The following PLD5 variants were observed in gnomAD, a reference collection of about 807,000 sequenced individuals.
The protein encoded by PLD5 is inactive phospholipase D5.
Under a neutral mutation model 61.1 loss-of-function variants are expected in PLD5, and 36 were observed. That is an observed-to-expected ratio of 0.59 (90% CI 0.45 to 0.78). The LOEUF (loss-of-function observed/expected upper bound fraction) is 0.78. Among genes scored for constraint, PLD5 ranks in the 30% least tolerant of loss-of-function variants. The pLI is 0.00. For missense variants in PLD5, 515 were observed against 644.4 expected (o/e 0.80, Z 2.17); for synonymous variants, 243 against 242.8 (o/e 1.00, Z -0.01).
At chr1:242,452,650 T>C (rs1056436745) in intron 1 of PLD5, among the ~76,000 whole-genome samples, 4 of 152,084 alleles carry the variant, frequency 2.6e-5, no homozygotes, top group Non-Finnish European at 5.9e-5. Flanking sequence ...ACTCCATCTC[T>C]ACAAAAAATA....
At chr1:242,274,285 C>T (rs1293408902) in intron 3 of PLD5, among the ~76,000 whole-genome samples, 4 of 152,232 alleles carry the variant, frequency 2.6e-5, no homozygotes, top group South Asian at 2.1e-4. Flanking sequence ...GCAGTGCTTA[C>T]GCCTATAATC....
intron 1 of PLD5, among the ~76,000 whole-genome samples, chr1:242,410,428 T>G (rs1010486614): frequency 6.6e-6 from 1 of 151,938 alleles, no homozygotes; most frequent in Non-Finnish European, 1.5e-5. Context: ...TTTTCCAATC[T>G]CTAGAGATAC....
At chr1:242,147,134 C>T (rs1224510570) in intron 5 of PLD5, among the ~76,000 whole-genome samples, 1 of 152,192 alleles carries the variant, frequency 6.6e-6, no homozygotes, top group African/African-American at 2.4e-5. Flanking sequence ...GTGCCATCGG[C>T]CCCTAAAATT....
chr1:242,330,928 A>G (rs1404755667), intron 2 of PLD5, among the ~76,000 whole-genome samples: 1 of 152,186 alleles, frequency 6.6e-6, no homozygotes, highest in Non-Finnish European at 1.5e-5. Flanking sequence ...TCCTCAGCAA[A>G]TTGAGTGGAG....
At chr1:242,209,694 C>T (rs778708620) in intron 5 of PLD5, among the ~76,000 whole-genome samples, 3 of 152,068 alleles carry the variant, frequency 2.0e-5, no homozygotes, top group Non-Finnish European at 2.9e-5. Flanking sequence ...CCGCCTATTT[C>T]CTAAGACAAC....
chr1:242,240,666 C>T (rs410287), intron 4 of PLD5, among the ~76,000 whole-genome samples: 3 of 151,842 alleles, frequency 2.0e-5, no homozygotes, highest in Non-Finnish European at 4.4e-5. Context: ...TTAAGGACAG[C>T]GGGAAAATGT....
Position 242,201,218 on chromosome 1 carries a change from T to C in PLD5, c.735+18770A>G, listed in dbSNP as rs567289797. Among the ~76,000 whole-genome samples, 3 of 152,242 alleles carry C rather than the reference T, an allele frequency of 2.0e-5. No individual in the cohort carries two copies. The South Asian group carries it at 6.2e-4, about 32-fold the overall frequency. ...GAGGTTTTTAAAAATATGACAGAAT[T>C]GGTGTTGGTGAATTCAACAATAAAG... On this transcript the variant is annotated intron_variant, in intron 5 of 9. Transcript: ENST00000536534.
At chr1:242,172,796 T>C (rs1666845436) in intron 5 of PLD5, among the ~76,000 whole-genome samples, 1 of 152,170 alleles carries the variant, frequency 6.6e-6, no homozygotes, top group Non-Finnish European at 1.5e-5. Context: ...GATAAATTCC[T>C]GGACACATAC....
At chr1:242,342,279 T>C (rs561357778) in intron 2 of PLD5, among the ~76,000 whole-genome samples, 7 of 152,260 alleles carry the variant, frequency 4.6e-5, no homozygotes, top group African/African-American at 9.6e-5. Flanking sequence ...TGACGTAGGA[T>C]AGCTCTGTGT....
At position 242,190,077 on chromosome 1, in the gene PLD5, A is replaced by AGGACCTTCACTAAGGTCCTTCACTCCCTC. The variant is rs1243090005; in HGVS notation, c.735+29882_735+29910dup. On this transcript the variant is annotated intron_variant, in intron 5 of 9. Transcript: ENST00000536534. ...CGGCATCTCCTCCTTTACTTAGTGA[A>AGGACCTTCACTAAGGTCCTTCACTCCCTC]GGACCTTCACTAAGGTCCTTCACTC... 2.3e-3 allele frequency among the ~76,000 whole-genome samples: 347 copies of AGGACCTTCACTAAGGTCCTTCACTCCCTC among 150,132 alleles called. 1 individual carries two copies. The highest frequency in any genetic ancestry group is 7.2e-3 in the African/African-American group (295 of 40,872).
chr1:242,474,434 G>T (rs964179404), intron 1 of PLD5, among the ~76,000 whole-genome samples: 1 of 151,992 alleles, frequency 6.6e-6, no homozygotes, highest in South Asian at 2.1e-4. Flanking sequence ...TCAAAATTAC[G>T]TCCAAAATAT....
chr1:242,416,973 G>T (rs1286877094), intron 1 of PLD5, among the ~76,000 whole-genome samples: 1 of 152,086 alleles, frequency 6.6e-6, no homozygotes, highest in Non-Finnish European at 1.5e-5. Flanking sequence ...AAATATTTCT[G>T]CACCCTTCTT....
At chr1:242,239,807 A>C (rs1671879502) in intron 4 of PLD5, among the ~76,000 whole-genome samples, 1 of 152,224 alleles carries the variant, frequency 6.6e-6, no homozygotes, top group Non-Finnish European at 1.5e-5. Flanking sequence ...GCTGCTGAGA[A>C]AATTAAAAGA....
chr1:242,449,340 C>G (rs1666686774), intron 1 of PLD5: 1 of 1,535,980 alleles, frequency 6.5e-7, no homozygotes, highest in African/African-American at 1.4e-5. Context: ...GTAGAAAACT[C>G]CAGAGTTTCT....
In PLD5 at chr1:242,394,438, ATATG is replaced by A. The variant is rs1246433133; in HGVS notation, c.190-46200_190-46197del. 3.8e-5 allele frequency among the ~76,000 whole-genome samples: 4 copies of A among 105,502 alleles called. 1 individual carries two copies. Among genetic ancestry groups the A allele is most frequent in the Admixed American group, 2.3e-4 (2 of 8,798 alleles). The allele number at this position is 105,502 out of a possible 152,430, so 69.2% of individuals were successfully genotyped here. A position where few individuals can be genotyped will look rare whatever the true frequency, so the allele number is the denominator to read the frequency against. ...AGTATATATGTGTGTATATGAGTAT[ATATG>A]TGTGTATATGAGTATATATGTGAAC... On this transcript the variant is annotated intron_variant, in intron 1 of 9. Coordinates refer to ENST00000536534, the MANE Select transcript of PLD5 (RefSeq NM_001372062.1).
chr1:242,197,562 A>G (rs1668711542), intron 5 of PLD5, among the ~76,000 whole-genome samples: 2 of 152,016 alleles, frequency 1.3e-5, no homozygotes. Flanking sequence ...GAATCCTTCC[A>G]GCTTCAGCTC....
intron 1 of PLD5, among the ~76,000 whole-genome samples, chr1:242,474,258 G>A (rs970188469): frequency 2.0e-5 from 3 of 152,044 alleles, no homozygotes; most frequent in Admixed American, 2.0e-4. Flanking sequence ...CATCCTACCG[G>A]GATTCCCACA....
intron 1 of PLD5, among the ~76,000 whole-genome samples, chr1:242,394,967 GAT>G (rs1385278522): frequency 2.9e-5 from 2 of 69,832 alleles, no homozygotes; most frequent in Non-Finnish European, 6.5e-5. Flanking sequence ...GAATATATAT[GAT>G]TATATATGAA....
At chr1:242,364,793 T>C (rs534758542) in intron 1 of PLD5, among the ~76,000 whole-genome samples, 1 of 151,860 alleles carries the variant, frequency 6.6e-6, no homozygotes, top group South Asian at 2.1e-4. Flanking sequence ...ACTTTAAAAA[T>C]GTAAAAAGGA....
Sources: allele counts gnomAD v4.1 joint callset (sites outside exome capture counted in the v4.1 genomes callset), GRCh38; gene constraint gnomAD v4.1.1; transcripts MANE v1.5; gene names NCBI Gene and HGNC (gene_info 2026-07-23, HGNC 2026-07-21).